The following THSD7B variants were observed in gnomAD, a reference collection of about 807,000 sequenced individuals.
THSD7B encodes the protein thrombospondin type 1 domain containing 7B.
THSD7B carries 138 observed loss-of-function variants against 213.6 expected under a neutral mutation model. The observed-to-expected ratio is 0.65, with a 90% CI of 0.56 to 0.74. The LOEUF (loss-of-function observed/expected upper bound fraction) is 0.74. Among genes scored for constraint, THSD7B ranks in the 30% least tolerant of loss-of-function variants. The pLI is 0.00. For synonymous variants in THSD7B, 742 were observed against 687.0 expected, an observed-to-expected ratio of 1.08 and a Z score of -1.25; for missense variants, 1,931 against 1,991.5, an observed-to-expected ratio of 0.97 and a Z score of 0.58.
At chr2:136,934,480 A>G (rs1378837700) in intron 2 of THSD7B, among the ~76,000 whole-genome samples, 4 of 152,194 alleles carry the variant, frequency 2.6e-5, no homozygotes, top group Non-Finnish European at 2.9e-5. Flanking sequence ...ATTGTTTTAC[A>G]CTTAAACATG....
intron 2 of THSD7B, among the ~76,000 whole-genome samples, chr2:136,991,249 T>C (rs1558879215): frequency 6.6e-6 from 1 of 152,100 alleles, no homozygotes; most frequent in Non-Finnish European, 1.5e-5. Flanking sequence ...AGCTCACCAT[T>C]TAGTCAGAGA....
At chr2:137,025,196 C>A (rs1402333602) in intron 2 of THSD7B, among the ~76,000 whole-genome samples, 2 of 152,120 alleles carry the variant, frequency 1.3e-5, no homozygotes, top group Non-Finnish European at 2.9e-5. Context: ...CTCACTATGC[C>A]TCCCTTCACA....
At chr2:137,630,560 C>T (rs977950879) in intron 20 of THSD7B, among the ~76,000 whole-genome samples, 4 of 152,178 alleles carry the variant, frequency 2.6e-5, no homozygotes, top group Non-Finnish European at 4.4e-5. Flanking sequence ...ATGCTTGAAT[C>T]CTCATACAGC....
intron 2 of THSD7B, among the ~76,000 whole-genome samples, chr2:136,909,198 C>G (rs990484867): frequency 6.6e-6 from 1 of 151,970 alleles, no homozygotes; most frequent in Non-Finnish European, 1.5e-5. Context: ...AAAGGTGGGC[C>G]TCCTAGAAAA....
chr2:137,411,674 T>C lies in THSD7B; in HGVS notation c.2761T>C (p.Cys921Arg). The change falls in exon 14 of 28, where the codon TGT (cysteine) becomes CGT (arginine). Residue 921 changes from cysteine (C) to arginine (R), a missense_variant. Cys to Arg is a radical substitution (Grantham distance 180). Transcript: ENST00000409968. ...TTACCCTCTAGTGGAGACAGAACTA[T>C]GTCCTTGTGATGAATTTATATCCCA... ...DLYPLVETEL[C>R]PCDEFISQPY... is the part of the protein sequence containing the mutation. The C allele has an allele frequency of 1.2e-6, 2 of 1,614,008 alleles. No individual in the cohort carries two copies. Among genetic ancestry groups the C allele is most frequent in the Non-Finnish European group, 1.7e-6 (2 of 1,179,898 alleles).
Position 137,376,704 on chromosome 2 carries a change from G to T in THSD7B, c.2501-28909G>T, listed in dbSNP as rs139985413. Among the ~76,000 whole-genome samples, 180 of 152,292 alleles carry T rather than the reference G, an allele frequency of 1.2e-3. 1 individual carries two copies. Among genetic ancestry groups the T allele is most frequent in the Non-Finnish European group, 1.0e-3 (68 of 68,034 alleles). ...GCTTCTAGCATATTGCGTAGTTATAGGCAATAGTCTGTAGAATGAAGTATG... is the reference window on the plus strand; with the variant it reads ...GCTTCTAGCATATTGCGTAGTTATATGCAATAGTCTGTAGAATGAAGTATG... On this transcript the variant is annotated intron_variant, in intron 12 of 27. Coordinates refer to ENST00000409968, the MANE Select transcript of THSD7B (RefSeq NM_001316349.2).
At chr2:137,532,586 A>G (rs958837266) in intron 15 of THSD7B, among the ~76,000 whole-genome samples, 9 of 151,976 alleles carry the variant, frequency 5.9e-5, no homozygotes, top group African/African-American at 2.2e-4. Flanking sequence ...TTTGCTATAA[A>G]TGATTAAACT....
intron 2 of THSD7B, among the ~76,000 whole-genome samples, chr2:136,919,478 A>C (rs976545929): frequency 9.2e-5 from 14 of 152,242 alleles, no homozygotes; most frequent in South Asian, 4.1e-4. Context: ...GTTGCTTCTC[A>C]TAAGAATGTT....
chr2:136,936,457 T>G (rs1684731389), intron 2 of THSD7B, among the ~76,000 whole-genome samples: 1 of 152,150 alleles, frequency 6.6e-6, no homozygotes, highest in Non-Finnish European at 1.5e-5. Context: ...AAAGAAACTG[T>G]GGTATGTGTA....
chr2:137,471,176 C>T (rs1688087776), intron 15 of THSD7B, among the ~76,000 whole-genome samples: 1 of 151,914 alleles, frequency 6.6e-6, no homozygotes, highest in African/African-American at 2.4e-5. Context: ...CAGCCTCGGC[C>T]CCCCAAAGTG....
intron 6 of THSD7B, among the ~76,000 whole-genome samples, chr2:137,164,090 T>G (rs7573120): frequency 0.95 from 144,979 of 152,166 alleles, 69,157 homozygotes; most frequent in East Asian, 1. Flanking sequence ...AGGAGACAAG[T>G]TATGGGGCAT....
In THSD7B at chr2:136,972,963, A is replaced by G. The variant is rs58750507; in HGVS notation, c.140-83457A>G. ...TTCTTCTCTCTTCTCCTCACTCCCC[A>G]CAAATTAAATCACGGTTTAAAAACA... On this transcript the variant is annotated intron_variant, in intron 2 of 27. Coordinates refer to ENST00000409968, the MANE Select transcript of THSD7B (RefSeq NM_001316349.2). Among the ~76,000 whole-genome samples, 1,321 of 152,250 alleles carry G rather than the reference A, an allele frequency of 8.7e-3. 28 individuals are homozygous for G. Among genetic ancestry groups the G allele is most frequent in the African/African-American group, 0.031 (1,279 of 41,560 alleles).
At chr2:137,133,646 C>A (rs1428037613) in intron 5 of THSD7B, among the ~76,000 whole-genome samples, 1 of 152,012 alleles carries the variant, frequency 6.6e-6, no homozygotes, top group Non-Finnish European at 1.5e-5. Flanking sequence ...TTGTGAGTTA[C>A]AAATGTGAAT....
At chr2:137,405,576 T>C in intron 12 of THSD7B, 37 bp from the exon 13 acceptor site, 1 of 1,548,564 alleles carries the variant, frequency 6.5e-7, no homozygotes, top group Non-Finnish European at 8.7e-7. Context: ...ACTGATTTAA[T>C]CAAAATAATA....
At chr2:136,801,090 T>G (rs1682170722) in intron 1 of THSD7B, among the ~76,000 whole-genome samples, 1 of 152,042 alleles carries the variant, frequency 6.6e-6, no homozygotes, top group Non-Finnish European at 1.5e-5. Context: ...TCTTGATGGT[T>G]TGCATATCTT....
chr2:137,059,312 A>G (rs764474011), intron 3 of THSD7B, among the ~76,000 whole-genome samples: 1 of 152,182 alleles, frequency 6.6e-6, no homozygotes, highest in Non-Finnish European at 1.5e-5. Context: ...TGAATTTTGG[A>G]GGAACACAAT....
intron 7 of THSD7B, among the ~76,000 whole-genome samples, chr2:137,208,033 T>G (rs1285915319): frequency 1.3e-5 from 2 of 151,982 alleles, no homozygotes; most frequent in Non-Finnish European, 2.9e-5. Flanking sequence ...GTAGATGAAC[T>G]GGGGAGGAAG....
chr2:137,334,762 A>G (rs1374361750), intron 12 of THSD7B, among the ~76,000 whole-genome samples: 2 of 152,212 alleles, frequency 1.3e-5, no homozygotes, highest in Non-Finnish European at 2.9e-5. Context: ...TGTAACTACT[A>G]TGATTTGGCT....
At chr2:137,101,195 G>C (rs1688143389) in intron 4 of THSD7B, among the ~76,000 whole-genome samples, 1 of 151,968 alleles carries the variant, frequency 6.6e-6, no homozygotes. Context: ...GTGCCACCAT[G>C]CCTGGCTGAT....
Sources: gnomAD v4.1 joint callset for allele counts (sites outside exome capture counted in the v4.1 genomes callset) on GRCh38, gnomAD v4.1.1 for gene constraint, MANE v1.5 for transcripts, NCBI Gene and HGNC (gene_info 2026-07-23, HGNC 2026-07-21) for gene names.